MYO18B: variants seen among roughly 807,000 people sequenced by gnomAD.
MYO18B encodes the protein myosin XVIIIB.
In MYO18B, 204 loss-of-function variants were observed where a neutral mutation model predicts 273.0. The observed-to-expected ratio is 0.75, with a 90% CI of 0.67 to 0.84. MYO18B has a LOEUF of 0.84. Ranked by LOEUF, MYO18B falls within the 40% of genes least tolerant of loss-of-function variation. The probability of loss-of-function intolerance (pLI) is 0.00; values close to 1 mark genes in which losing one functional copy is unlikely to be tolerated. For missense variants in MYO18B, 3,212 were observed against 3,287.6 expected, an observed-to-expected ratio of 0.98 and a Z score of 0.56; for synonymous variants, 1,330 against 1,305.7, an observed-to-expected ratio of 1.02 and a Z score of -0.40.
At chr22:25,823,431 G>T in intron 12 of MYO18B, 74 bp from the exon 13 acceptor site, 2 of 1,480,474 alleles carry the variant, frequency 1.4e-6, no homozygotes, top group Non-Finnish European at 1.8e-6. Flanking sequence ...GAGATTCTCC[G>T]AGGTCCTCTC....
In MYO18B at chr22:25,950,389, T is replaced by A; in HGVS notation, c.5771T>A (p.Ile1924Asn). The change falls in exon 37 of 44, where the codon ATC becomes AAC. Residue 1924 changes from isoleucine to asparagine, a missense_variant. Coordinates refer to ENST00000335473, the MANE Select transcript of MYO18B (RefSeq NM_032608.7). ...CAGTCTGCTGCTGACATTGGGCAGA[T>A]CCAAGAACTGCAGCTGCAGCTGGAG... ...IAQSAADIGQIQELQLQLEEA... is the reference protein window; with the variant it reads ...IAQSAADIGQNQELQLQLEEA... 1 of 1,606,140 alleles carries A rather than the reference T, an allele frequency of 6.2e-7. No individual in the cohort carries two copies. Among genetic ancestry groups the A allele is most frequent in the Non-Finnish European group, 8.5e-7 (1 of 1,176,322 alleles).
At chr22:25,939,556 C>T (rs76519149) in intron 34 of MYO18B, among the ~76,000 whole-genome samples, 7,524 of 152,244 alleles carry the variant, frequency 0.049, 631 homozygotes, top group African/African-American at 0.17. Context: ...CAACAGGAGG[C>T]GATGCTCTGA....
chr22:25,977,189 C>T (rs777234070), intron 39 of MYO18B, among the ~76,000 whole-genome samples: 34 of 152,108 alleles, frequency 2.2e-4, no homozygotes, highest in Non-Finnish European at 4.1e-4. Flanking sequence ...TGTTTCTCCC[C>T]GGCTATGCTT....
chr22:25,756,870 G>A (rs2086139584), intron 1 of MYO18B, among the ~76,000 whole-genome samples: 1 of 151,986 alleles, frequency 6.6e-6, no homozygotes, highest in Non-Finnish European at 1.5e-5. Flanking sequence ...AGACCAGCCT[G>A]GTCAATATGG....
chr22:26,017,453 GCTCTC>G (rs1935452128), intron 42 of MYO18B, among the ~76,000 whole-genome samples: 1 of 148,586 alleles, frequency 6.7e-6, no homozygotes, highest in Non-Finnish European at 1.5e-5. Context: ...CATCACAACA[GCTCTC>G]CTTAAATAGT....
chr22:25,831,831 A>T (rs1235225459), intron 15 of MYO18B, among the ~76,000 whole-genome samples: 1 of 152,238 alleles, frequency 6.6e-6, no homozygotes, highest in Non-Finnish European at 1.5e-5. Context: ...AGCTCTCAGC[A>T]TGACGGCTGA....
intron 25 of MYO18B, among the ~76,000 whole-genome samples, chr22:25,878,262 C>T (rs191271289): frequency 2.0e-5 from 3 of 152,190 alleles, no homozygotes; most frequent in Admixed American, 1.3e-4. Context: ...GCTGCACAAC[C>T]GGCAAGTGTA....
chr22:25,936,645 G>T (rs2092582104), intron 34 of MYO18B, among the ~76,000 whole-genome samples: 1 of 152,076 alleles, frequency 6.6e-6, no homozygotes, highest in Non-Finnish European at 1.5e-5. Flanking sequence ...AAAAAATACC[G>T]TAAATTAAAC....
chr22:26,000,471 AATAACCTGTGACTTACGT>A (rs547825347), intron 40 of MYO18B, among the ~76,000 whole-genome samples: 262 of 152,252 alleles, frequency 1.7e-3, no homozygotes, highest in African/African-American at 6.1e-3. Context: ...TTCCAGGACC[AATAACCTGTGACTTACGT>A]GCAGTCTATA....
chr22:25,887,245 A>G (rs2091527118), intron 25 of MYO18B, among the ~76,000 whole-genome samples: 1 of 152,156 alleles, frequency 6.6e-6, no homozygotes, highest in Non-Finnish European at 1.5e-5. Flanking sequence ...GTAAGTGCTC[A>G]CATAGTGCTT....
Position 25,780,503 on chromosome 22 carries a change from T to C in MYO18B, c.2211+305T>C, listed in dbSNP as rs113142776. Among the ~76,000 whole-genome samples the C allele has an allele frequency of 4.9e-3, 707 of 144,540 alleles. 8 individuals carry two copies. Among genetic ancestry groups the C allele is most frequent in the African/African-American group, 0.016 (634 of 38,494 alleles). 94.8% of individuals were successfully genotyped at this position (144,540 alleles called of 152,430 possible). On this transcript the variant is annotated intron_variant, in intron 9 of 43. Coordinates refer to ENST00000335473, the MANE Select transcript of MYO18B (RefSeq NM_032608.7). The stretch of plus-strand genomic sequence containing the variant: ...TACTCGGGAGGCTGAGGCAGGAGAA[T>C]CCCTTGAACCCAGGAGGCGGAGGTT...
In MYO18B at chr22:25,981,742, G is replaced by T. The variant is rs184764533; in HGVS notation, c.6157-10621G>T. Among the ~76,000 whole-genome samples the T allele has an allele frequency of 3.8e-3, 579 of 152,318 alleles. 28 individuals are homozygous for T. The highest frequency in any genetic ancestry group is 0.038 in the Admixed American group (575 of 15,296). On this transcript the variant is annotated intron_variant, in intron 39 of 43. Transcript: ENST00000335473. ...CCTGGGCTACAAAGTGAGACCCTGTGTCTAAAGAATGATCATAAAGATACA... is the reference window on the plus strand; with the variant it reads ...CCTGGGCTACAAAGTGAGACCCTGTTTCTAAAGAATGATCATAAAGATACA...
intron 39 of MYO18B, among the ~76,000 whole-genome samples, chr22:25,988,075 C>T (rs2093221204): frequency 6.6e-6 from 1 of 151,962 alleles, no homozygotes; most frequent in Admixed American, 6.6e-5. Flanking sequence ...CCCGAGCAAG[C>T]GTGATTGTCA....
At chr22:25,844,264 TAAA>T (rs752037243) in intron 18 of MYO18B, among the ~76,000 whole-genome samples, 1 of 152,024 alleles carries the variant, frequency 6.6e-6, no homozygotes, top group Admixed American at 6.6e-5. Context: ...TTTGTAGCGT[TAAA>T]AAAAAGCTCA....
At chr22:25,920,969 C>T (rs775201309) in intron 33 of MYO18B, among the ~76,000 whole-genome samples, 3 of 152,258 alleles carry the variant, frequency 2.0e-5, no homozygotes, top group South Asian at 2.1e-4. Flanking sequence ...TGGATCCATA[C>T]GGGCTATGAT....
chr22:25,871,961 C>T (rs1047424328), intron 22 of MYO18B, among the ~76,000 whole-genome samples: 2 of 142,092 alleles, frequency 1.4e-5, no homozygotes, highest in Admixed American at 1.5e-4. Context: ...CTGGTGCTGT[C>T]ATAACTTTGA....
chr22:26,060,204 A>T, the MYO18B span, among the ~76,000 whole-genome samples: 1 of 152,194 alleles, frequency 6.6e-6, no homozygotes, highest in Non-Finnish European at 1.5e-5. Flanking sequence ...ATCAGAACAT[A>T]TAATTTGTTT....
intron 25 of MYO18B, among the ~76,000 whole-genome samples, chr22:25,889,760 G>A (rs2091607222): frequency 6.6e-6 from 1 of 151,966 alleles, no homozygotes; most frequent in Non-Finnish European, 1.5e-5. Flanking sequence ...CTGCTCATTT[G>A]GCATCGGTGG....
intron 40 of MYO18B, among the ~76,000 whole-genome samples, chr22:25,997,553 C>T (rs1298928690): frequency 6.6e-6 from 1 of 152,016 alleles, no homozygotes; most frequent in African/African-American, 2.4e-5. Flanking sequence ...AGTGGAAACA[C>T]AGTGTAGACT....
Sources: gnomAD v4.1 joint callset for allele counts (sites outside exome capture counted in the v4.1 genomes callset) on GRCh38, gnomAD v4.1.1 for gene constraint, MANE v1.5 for transcripts, NCBI Gene and HGNC (gene_info 2026-07-23, HGNC 2026-07-21) for gene names.